The following ZIM2 variants were observed in gnomAD, a reference collection of about 807,000 sequenced individuals.
ZIM2 encodes the protein zinc finger protein 656.
ZIM2 carries 14 observed loss-of-function variants against 38.6 expected under a neutral mutation model. That is an observed-to-expected ratio of 0.36 (90% confidence interval 0.24 to 0.57). ZIM2 has a LOEUF of 0.57. ZIM2 is among the 20% of genes least tolerant of loss of function. The probability of loss-of-function intolerance (pLI) is 0.81; values close to 1 mark genes in which losing one functional copy is unlikely to be tolerated. For synonymous variants in ZIM2, 247 were observed against 245.8 expected (o/e 1.00, Z -0.04); for missense variants, 680 against 695.1 (o/e 0.98, Z 0.24).
intron 9 of ZIM2, among the ~76,000 whole-genome samples, chr19:56,797,168 T>C (rs1008357847): frequency 9.2e-5 from 14 of 151,966 alleles, no homozygotes; most frequent in Non-Finnish European, 1.9e-4. Flanking sequence ...TTTTAAAAAA[T>C]AGCTGGGTGT....
At chr19:56,832,787 C>T (rs978266921) in intron 2 of ZIM2, among the ~76,000 whole-genome samples, 2 of 152,184 alleles carry the variant, frequency 1.3e-5, no homozygotes, top group African/African-American at 4.8e-5. Context: ...GTTTTCTTTA[C>T]ACTAGATGTC....
intron 9 of ZIM2, chr19:56,811,071 G>A (rs2059507381): frequency 1.0e-6 from 1 of 981,660 alleles, no homozygotes; most frequent in Non-Finnish European, 1.2e-6. Context: ...TAAGAGGAGA[G>A]TATATGTCTT....
At chr19:56,828,166 G>C (rs1169719894) in intron 2 of ZIM2, among the ~76,000 whole-genome samples, 3 of 152,112 alleles carry the variant, frequency 2.0e-5, no homozygotes, top group African/African-American at 7.2e-5. Context: ...CTGAGCCCAG[G>C]CTCTCCCCGC....
chr19:56,824,243 A>T lies in ZIM2; in HGVS notation c.16+19T>A, dbSNP rs1165890471. 6.2e-7 allele frequency: 1 copy of T among 1,609,710 alleles called. No homozygotes were observed. ...CCTGAGGCCTGCACTGACCACCAACACCCCGTGGAGACTCTCACCTTCTGG... is the reference window on the plus strand; with the variant it reads ...CCTGAGGCCTGCACTGACCACCAACTCCCCGTGGAGACTCTCACCTTCTGG... On this transcript the variant is annotated intron_variant, in intron 4 of 12. Transcript: ENST00000629319.
chr19:56,782,703 A>C (rs2046386399), intron 10 of ZIM2, among the ~76,000 whole-genome samples: 1 of 152,142 alleles, frequency 6.6e-6, no homozygotes, highest in African/African-American at 2.4e-5. Context: ...TTTGATCCAG[A>C]AATTCTTTTT....
At chr19:56,816,478 A>C in intron 9 of ZIM2, 1 of 1,613,544 alleles carries the variant, frequency 6.2e-7, no homozygotes, top group Non-Finnish European at 8.5e-7. Flanking sequence ...CTTGTTTTCA[A>C]ATGGGTTCCC....
chr19:56,821,514 G>A, intron 7 of ZIM2, 137 bp downstream of exon 7: 1 of 1,029,538 alleles, frequency 9.7e-7, no homozygotes, highest in Non-Finnish European at 1.4e-6. Context: ...GATGGGCCCG[G>A]GCTCCTCCTG....
chr19:56,779,625 T>C (rs991286668), intron 11 of ZIM2, among the ~76,000 whole-genome samples, 153 bp from the exon 12 acceptor site: 1 of 152,262 alleles, frequency 6.6e-6, no homozygotes. Flanking sequence ...AAGGGACATC[T>C]AAAATGTATG....
At chr19:56,840,248 G>A (rs1345841700) in intron 1 of ZIM2, among the ~76,000 whole-genome samples, 2 of 152,216 alleles carry the variant, frequency 1.3e-5, no homozygotes, top group Admixed American at 6.5e-5. Context: ...GTTTGCTGCG[G>A]TGGCCCCCGG....
At chr19:56,796,350 T>G (rs2047227820) in intron 9 of ZIM2, among the ~76,000 whole-genome samples, 1 of 152,248 alleles carries the variant, frequency 6.6e-6, no homozygotes, top group African/African-American at 2.4e-5. Flanking sequence ...CATGGCAAAT[T>G]TAAGTTGTGG....
At chr19:56,813,586 C>T (rs2059690676) in intron 9 of ZIM2, 3 of 1,491,946 alleles carry the variant, frequency 2.0e-6, no homozygotes, top group South Asian at 1.4e-5. Context: ...AAGTCTCCTA[C>T]TGACATTATC....
chr19:56,838,734 C>G (rs1196317015), intron 1 of ZIM2, among the ~76,000 whole-genome samples: 1 of 152,228 alleles, frequency 6.6e-6, no homozygotes, highest in East Asian at 1.9e-4. Flanking sequence ...GATGCGGGGA[C>G]TGAGCCAGTC....
intron 2 of ZIM2, among the ~76,000 whole-genome samples, chr19:56,831,672 A>G (rs773170456): frequency 3.2e-4 from 48 of 152,260 alleles, no homozygotes; most frequent in Non-Finnish European, 5.7e-4. Flanking sequence ...AAAATGTTAC[A>G]TAACCATTAA....
At chr19:56,817,185 A>C (rs1305019858) in intron 9 of ZIM2, 4 of 1,614,032 alleles carry the variant, frequency 2.5e-6, no homozygotes, top group Non-Finnish European at 3.4e-6. Flanking sequence ...TCATCTCACT[A>C]CCACATTCAA....
chr19:56,829,952 G>A (rs1371583339), intron 2 of ZIM2, among the ~76,000 whole-genome samples: 2 of 152,242 alleles, frequency 1.3e-5, no homozygotes, highest in Non-Finnish European at 2.9e-5. Context: ...GTGTTTGCAG[G>A]TGCTGAGAGG....
chr19:56,823,212 A>G (rs1010232), intron 5 of ZIM2, among the ~76,000 whole-genome samples: 1 of 151,832 alleles, frequency 6.6e-6, no homozygotes, highest in East Asian at 1.9e-4. Context: ...ATTCTACTAC[A>G]AAAAAAACAA....
intron 9 of ZIM2, among the ~76,000 whole-genome samples, chr19:56,809,475 G>C (rs554017258): frequency 2.7e-4 from 41 of 152,218 alleles, no homozygotes; most frequent in African/African-American, 9.4e-4. Context: ...TCGCCAACAG[G>C]GTTCCAGTTA....
At chr19:56,796,270 T>TCTTACATTAC (rs2047221452) in intron 9 of ZIM2, among the ~76,000 whole-genome samples, 1 of 152,240 alleles carries the variant, frequency 6.6e-6, no homozygotes, top group African/African-American at 2.4e-5. Context: ...TTAAATCATC[T>TCTTACATTAC]CTAGATTACT....
rs569996160 is a variant in ZIM2 at position 56,823,448 on chromosome 19, T to C, written c.106+142A>G. The C allele has an allele frequency of 3.7e-6, 3 of 808,216 alleles. No homozygotes were observed. In the East Asian group the frequency reaches 7.7e-5, roughly 21 times the overall value. The allele number at this position is 808,216 out of a possible 1,614,324, so 50.1% of individuals were successfully genotyped here. A position where few individuals can be genotyped will look rare whatever the true frequency, so the allele number is the denominator to read the frequency against. On this transcript the variant is annotated intron_variant, in intron 5 of 12. Transcript: ENST00000629319. ...TGTCTCATTATGACATCAATTAATT[T>C]ACCCTCTCCTCAGATCTCTGAGTGA...
Sources: allele counts gnomAD v4.1 joint callset (sites outside exome capture counted in the v4.1 genomes callset), GRCh38; gene constraint gnomAD v4.1.1; transcripts MANE v1.5; gene names NCBI Gene and HGNC (gene_info 2026-07-23, HGNC 2026-07-21).